PLA2G12A: variants seen among roughly 807,000 people sequenced by gnomAD.
PLA2G12A encodes phospholipase A2 group XIIA.
Under a neutral mutation model 16.0 loss-of-function variants are expected in PLA2G12A, and 11 were observed. The ratio of observed to expected loss-of-function variants is 0.69; its 90% CI spans 0.43 to 1.13. The LOEUF (loss-of-function observed/expected upper bound fraction) is 1.13, where lower values mean the gene tolerates loss of function less well. Among genes scored for constraint, PLA2G12A ranks in the 50% most tolerant of loss-of-function variants. The pLI is 0.00. For synonymous variants in PLA2G12A, 77 were observed against 93.8 expected (o/e 0.82, Z 1.03); for missense variants, 214 against 237.3 (o/e 0.90, Z 0.65).
intron 1 of PLA2G12A, among the ~76,000 whole-genome samples, chr4:109,722,614 C>G (rs1026555708): frequency 7.9e-5 from 12 of 152,226 alleles, no homozygotes; most frequent in Non-Finnish European, 1.6e-4. Flanking sequence ...TTGGACTTCA[C>G]AGCCTCCAGA....
At position 109,730,053 on chromosome 4, in the gene PLA2G12A, A is replaced by C. The variant is rs1579129210; in HGVS notation, c.-244T>G. 2.4e-6 allele frequency: 1 copy of C among 420,996 alleles called. No homozygotes were observed. The highest frequency in any genetic ancestry group is 4.2e-6 in the Non-Finnish European group (1 of 238,786). The allele number at this position is 420,996 out of a possible 1,614,324, so 26.1% of individuals were successfully genotyped here. A position where few individuals can be genotyped will look rare whatever the true frequency, so the allele number is the denominator to read the frequency against. ...ACCAGCGCGCCCGCTCACCTGGGCC[A>C]GCAACCGTCCCCTGTGCGCCTGCGC... On this transcript the variant is annotated 5_prime_UTR_variant, in exon 1 of 4. Coordinates refer to ENST00000243501, the MANE Select transcript of PLA2G12A (RefSeq NM_030821.5).
chr4:109,711,797 AAACC>A lies in PLA2G12A; in HGVS notation c.*2576_*2579del, dbSNP rs1426282862. On this transcript the variant is annotated 3_prime_UTR_variant, in exon 4 of 4. Transcript: ENST00000243501. ...AATAACAGTAATTTTCAGCAGCAAA[AAACC>A]AACACACACTACCTTAACCAAGTGT... 6.6e-6 allele frequency: 1 copy of A among 152,204 alleles called. No homozygotes were observed. The highest frequency in any genetic ancestry group is 1.9e-4 in the East Asian group (1 of 5,204). The allele number at this position is 152,204 out of a possible 1,614,324, so 9.4% of individuals were successfully genotyped here.
intron 3 of PLA2G12A, among the ~76,000 whole-genome samples, chr4:109,716,578 T>C (rs1033816760): frequency 6.6e-6 from 1 of 152,252 alleles, no homozygotes; most frequent in Admixed American, 6.5e-5. Context: ...TGGTGATTTA[T>C]TTGTATTTCC....
chr4:109,720,589 AAAAAAAAAAAAAAAAATATATATATAT>A (rs1329588665), intron 1 of PLA2G12A, among the ~76,000 whole-genome samples: 60 of 48,002 alleles, frequency 1.2e-3, no homozygotes, highest in East Asian at 5.2e-3. Flanking sequence ...AAAAAAAAAA[AAAAAAAAAAAAAAAAATATATATATAT>A]ATATATATAT....
At position 109,712,031 on chromosome 4, in the gene PLA2G12A, A is replaced by C. The variant is rs1730741236; in HGVS notation, c.*2346T>G. 1 of 152,232 alleles carries C rather than the reference A, an allele frequency of 6.6e-6. No individual in the cohort carries two copies. Among genetic ancestry groups the C allele is most frequent in the African/African-American group, 2.4e-5 (1 of 41,448 alleles). 9.4% of individuals were successfully genotyped at this position (152,232 alleles called of 1,614,324 possible). A position where few individuals can be genotyped will look rare whatever the true frequency, so the allele number is the denominator to read the frequency against. On this transcript the variant is annotated 3_prime_UTR_variant, in exon 4 of 4. Transcript: ENST00000243501. ...ACTGTCAAGGTTATGAAAAAGAAAG[A>C]CTGTGGAACTATCACAGACCAGAGG...
At chr4:109,727,530 A>C (rs961471562) in intron 1 of PLA2G12A, among the ~76,000 whole-genome samples, 11 of 152,216 alleles carry the variant, frequency 7.2e-5, no homozygotes, top group African/African-American at 2.7e-4. Flanking sequence ...ACTGAGGCAT[A>C]TAACATTTCT....
chr4:109,721,572 G>A (rs1385334013), intron 1 of PLA2G12A, among the ~76,000 whole-genome samples: 3 of 151,952 alleles, frequency 2.0e-5, no homozygotes, highest in Non-Finnish European at 4.4e-5. Context: ...CACCCGCCTC[G>A]GCCTCCCAAA....
chr4:109,714,315 T>G lies in PLA2G12A; in HGVS notation c.*62A>C. On this transcript the variant is annotated 3_prime_UTR_variant, in exon 4 of 4. Coordinates refer to ENST00000243501, the MANE Select transcript of PLA2G12A (RefSeq NM_030821.5). Reference sequence around the variant, plus strand: ...AAGACAGTTTTATGTTGTAAAAACATTAGTTATTTGTCAAAGGTATGTTCT... The same window carrying G: ...AAGACAGTTTTATGTTGTAAAAACAGTAGTTATTTGTCAAAGGTATGTTCT... 7 of 978,404 alleles carry G rather than the reference T, an allele frequency of 7.2e-6. No individual in the cohort carries two copies. The highest frequency in any genetic ancestry group is 1.1e-5 in the Non-Finnish European group (7 of 629,528). The allele number at this position is 978,404 out of a possible 1,614,324, so 60.6% of individuals were successfully genotyped here.
chr4:109,714,769 C>CT (rs1357296254), intron 3 of PLA2G12A, among the ~76,000 whole-genome samples: 2 of 142,340 alleles, frequency 1.4e-5, no homozygotes, highest in Non-Finnish European at 3.0e-5. Flanking sequence ...GGGTCTCACT[C>CT]TGACACCCAG....
intron 1 of PLA2G12A, among the ~76,000 whole-genome samples, chr4:109,720,005 C>T (rs930940655): frequency 2.6e-5 from 4 of 152,196 alleles, no homozygotes; most frequent in Non-Finnish European, 4.4e-5. Flanking sequence ...CTACCAGTCA[C>T]CTACTGGCTC....
At chr4:109,715,009 C>T (rs946618481) in intron 3 of PLA2G12A, among the ~76,000 whole-genome samples, 1 of 152,104 alleles carries the variant, frequency 6.6e-6, no homozygotes, top group Admixed American at 6.5e-5. Context: ...TGAGGTCTCA[C>T]TATGTTGCCC....
rs1047429128 is a variant in PLA2G12A, at chr4:109,717,744, A to C, written c.286-31T>G. ...AAAGGCATTTGGATGGATTACTGTC[A>C]ATGAAATGCAAAACTCCTCTGAAGT... On this transcript the variant is annotated intron_variant, in intron 2 of 3. Transcript: ENST00000243501. 21 of 1,597,664 alleles carry C rather than the reference A, an allele frequency of 1.3e-5. No homozygotes were observed. In the Admixed American group the frequency reaches 2.5e-4, roughly 19 times the overall value.
intron 1 of PLA2G12A, among the ~76,000 whole-genome samples, chr4:109,724,602 T>C (rs545040624): frequency 2.0e-5 from 3 of 152,192 alleles, no homozygotes; most frequent in Non-Finnish European, 4.4e-5. Flanking sequence ...TGCATGCGTG[T>C]ACATATATAG....
At chr4:109,716,719 AGTGAGTACAACTATATGCTGAGTCCC>A (rs990250167) in intron 3 of PLA2G12A, among the ~76,000 whole-genome samples, 3 of 152,186 alleles carry the variant, frequency 2.0e-5, no homozygotes, top group Non-Finnish European at 4.4e-5. Context: ...ACCTCATGGC[AGTGAGTACAACTATATGCTGAGTCCC>A]GTGAGTCCTC....
Position 109,718,775 on chromosome 4 carries a change from G to C in PLA2G12A, c.209-16C>G, listed in dbSNP as rs1730872072. On this transcript the variant is annotated splice_polypyrimidine_tract_variant and intron_variant, in intron 1 of 3. Coordinates refer to ENST00000243501, the MANE Select transcript of PLA2G12A (RefSeq NM_030821.5). ...GGCTTAGATCCTATAAAATATAATG[G>C]TATCATAATTAATTTTCAAATATGA... 4 of 1,497,894 alleles carry C rather than the reference G, an allele frequency of 2.7e-6. No individual in the cohort carries two copies. Among genetic ancestry groups the C allele is most frequent in the Non-Finnish European group, 2.7e-6 (3 of 1,104,240 alleles). The allele number at this position is 1,497,894 out of a possible 1,614,324, so 92.8% of individuals were successfully genotyped here. A position where few individuals can be genotyped will look rare whatever the true frequency, so the allele number is the denominator to read the frequency against.
chr4:109,723,212 TA>T (rs11385396), intron 1 of PLA2G12A, among the ~76,000 whole-genome samples: 22 of 149,328 alleles, frequency 1.5e-4, no homozygotes, highest in Admixed American at 2.7e-4. Flanking sequence ...TAGACAGTAG[TA>T]AAAAAAAAAA....
Position 109,714,170 on chromosome 4 carries a change from A to G in PLA2G12A, c.*207T>C. The stretch of plus-strand genomic sequence containing the variant: ...CTAAGTAAGGGAGCAATGCTGGGGA[A>G]GATACCTGAGAAGACAAGCGTGCCC... On this transcript the variant is annotated 3_prime_UTR_variant, in exon 4 of 4. Transcript: ENST00000243501. 1.8e-6 allele frequency: 1 copy of G among 555,716 alleles called. No individual in the cohort carries two copies. The highest frequency in any genetic ancestry group is 2.9e-5 in the East Asian group (1 of 34,278). 34.4% of individuals were successfully genotyped at this position (555,716 alleles called of 1,614,324 possible).
chr4:109,722,581 T>C (rs113726800), intron 1 of PLA2G12A, among the ~76,000 whole-genome samples: 565 of 152,270 alleles, frequency 3.7e-3, no homozygotes, highest in Non-Finnish European at 6.3e-3. Flanking sequence ...TTACCAGACA[T>C]TGAATCTGCC....
chr4:109,723,385 G>C (rs536347668), intron 1 of PLA2G12A, among the ~76,000 whole-genome samples: 19 of 152,284 alleles, frequency 1.2e-4, no homozygotes, highest in Admixed American at 1.0e-3. Flanking sequence ...TAAATCTAGA[G>C]TTATTCACCC....
Sources: allele counts gnomAD v4.1 joint callset (sites outside exome capture counted in the v4.1 genomes callset), GRCh38; gene constraint gnomAD v4.1.1; transcripts MANE v1.5; gene names NCBI Gene and HGNC (gene_info 2026-07-23, HGNC 2026-07-21).